The following RASGRP4 variants were observed in gnomAD, a reference collection of about 807,000 sequenced individuals.
RASGRP4 encodes the protein RAS guanyl releasing protein 4.
RASGRP4 carries 52 observed loss-of-function variants against 84.4 expected under a neutral mutation model. The observed-to-expected ratio is 0.62, with a 90% CI of 0.49 to 0.78. RASGRP4 has a LOEUF of 0.78. Among genes scored for constraint, RASGRP4 ranks in the 30% least tolerant of loss-of-function variants. The pLI is 0.00. For synonymous variants in RASGRP4, 356 were observed against 359.1 expected, an observed-to-expected ratio of 0.99 and a Z score of 0.10; for missense variants, 760 against 886.9, an observed-to-expected ratio of 0.86 and a Z score of 1.82.
At chr19:38,420,326 T>A in intron 4 of RASGRP4, 64 bp from the exon 5 acceptor site, 18 of 1,558,128 alleles carry the variant, frequency 1.2e-5, no homozygotes, top group Non-Finnish European at 1.5e-5. Context: ...CAAGGGGTAT[T>A]TTGGGCTGAG....
At chr19:38,414,317 T>TA (rs1600553718) in intron 9 of RASGRP4, among the ~76,000 whole-genome samples, 1 of 151,940 alleles carries the variant, frequency 6.6e-6, no homozygotes, top group East Asian at 1.9e-4. Context: ...TATTTTATTT[T>TA]TATTTATTTA....
chr19:38,412,087 TTGTTGTTGTTG>T lies in RASGRP4; in HGVS notation c.1680+574_1680+584del, dbSNP rs1568407145. Among the ~76,000 whole-genome samples the T allele has an allele frequency of 0.1, 7,224 of 71,884 alleles. 293 individuals carry two copies. The highest frequency in any genetic ancestry group is 0.15 in the African/African-American group (4,293 of 29,452). The allele number at this position is 71,884 out of a possible 152,430, so 47.2% of individuals were successfully genotyped here. The stretch of plus-strand genomic sequence containing the variant: ...CCGGTTTGGAGATTATCCAGGTTTG[TTGTTGTTGTTG>T]TTGTTGTTGTTGTTGTTGTTGTTGT... On this transcript the variant is annotated intron_variant, in intron 13 of 16. Coordinates refer to ENST00000615439, the MANE Select transcript of RASGRP4 (RefSeq NM_170604.3). This position sits in a 1 kb window ranked among gnomAD's most constrained non-coding sequence, Gnocchi z 4.6.
chr19:38,411,407 A>C lies in RASGRP4; in HGVS notation c.1681-26T>G, dbSNP rs201912388. 69 of 1,526,648 alleles carry C rather than the reference A, an allele frequency of 4.5e-5. No individual in the cohort carries two copies. In the East Asian group the frequency reaches 1.6e-3, roughly 36 times the overall value. 94.6% of individuals were successfully genotyped at this position (1,526,648 alleles called of 1,614,324 possible). On this transcript the variant is annotated intron_variant, in intron 13 of 16. Transcript: ENST00000615439. ...CTGGGAAGAGAAAGGAGAAAAGGTT[A>C]CCCATCCTAGGAGAGGGAGGGCTGT...
chr19:38,420,059 G>C, intron 5 of RASGRP4, 46 bp from the exon 6 acceptor site: 1 of 1,609,776 alleles, frequency 6.2e-7, no homozygotes, highest in Non-Finnish European at 8.5e-7. Context: ...CACAGTTGAG[G>C]GCTTGGGGAT....
Position 38,419,906 on chromosome 19 carries a change from GCCA to G in RASGRP4, c.614_616del (p.Leu205_Ala206delinsPro). The G allele has an allele frequency of 6.2e-7, 1 of 1,610,714 alleles. No homozygotes were observed. Among genetic ancestry groups the G allele is most frequent in the South Asian group, 1.1e-5 (1 of 90,452 alleles). ...GAACTCCAGGTAGGTGAGGTGCTGA[GCCA>G]GCTCCCCCGTCTCCAAGTGGTCGAA... On this transcript the variant is annotated inframe_deletion, in exon 6 of 17. Transcript: ENST00000615439.
Position 38,410,919 on chromosome 19 carries a change from A to G in RASGRP4, c.1932T>C (p.Thr644=), listed in dbSNP as rs772216942. 1 of 1,604,070 alleles carries G rather than the reference A, an allele frequency of 6.2e-7. No homozygotes were observed. The highest frequency in any genetic ancestry group is 1.7e-4 in the Middle Eastern group (1 of 6,050). ...TTTCCCAGGAAGGGTGTGGGGATTC[A>G]GTCTGGGTCCAGGCATGGCGAAGCT... The part of the protein sequence containing the change: ...GCQLRHAWTQ[T]ESPHPSWETD... The change falls in exon 16 of 17, where the codon ACT becomes ACC. Residue 644 remains threonine (T), a synonymous_variant. Transcript: ENST00000615439.
Position 38,415,079 on chromosome 19 carries a change from G to A in RASGRP4, c.999C>T (p.Tyr333=). The change falls in exon 9 of 17, where the codon TAC becomes TAT. Residue 333 remains tyrosine (Y), a synonymous_variant. Transcript: ENST00000615439. ...CAGCCCAGGTGCGGCGGTAGCGGGC[G>A]TAGTTGTTGTGGGAGGCAAGGAGCT... The part of the protein sequence containing the change: ...LTELLASHNN[Y]ARYRRTWAGC... 10 of 1,601,270 alleles carry A rather than the reference G, an allele frequency of 6.2e-6. No homozygotes were observed. The highest frequency in any genetic ancestry group is 1.3e-5 in the African/African-American group (1 of 74,824).
intron 1 of RASGRP4, among the ~76,000 whole-genome samples, chr19:38,425,208 A>C (rs891252245): frequency 6.6e-5 from 10 of 151,750 alleles, no homozygotes; most frequent in Non-Finnish European, 7.4e-5. Context: ...AAAAAAAAAA[A>C]ACCAAACACT....
intron 1 of RASGRP4, among the ~76,000 whole-genome samples, chr19:38,425,599 C>T (rs12986359): frequency 0.049 from 7,479 of 152,224 alleles, 304 homozygotes; most frequent in African/African-American, 0.11. Context: ...ATTCCAGAAC[C>T]GGCCGCACAG....
At chr19:38,414,621 C>T (rs868557799) in intron 9 of RASGRP4, among the ~76,000 whole-genome samples, 11 of 152,210 alleles carry the variant, frequency 7.2e-5, no homozygotes, top group South Asian at 2.1e-4. Context: ...CCACTGCGCC[C>T]GGCTGGGTCC....
chr19:38,410,562 G>A (rs536032601), intron 16 of RASGRP4, among the ~76,000 whole-genome samples: 21 of 151,810 alleles, frequency 1.4e-4, no homozygotes, highest in African/African-American at 4.3e-4. Context: ...ACAGGCACCC[G>A]CCATCACACT....
At position 38,411,178 on chromosome 19, in the gene RASGRP4, T is replaced by G. The variant is rs570499971; in HGVS notation, c.1789A>C (p.Lys597Gln). ...KVECKKRPGA[K>Q]GDAGPPGAPV... Reference sequence around the variant, plus strand: ...GCTCCGGGGGGTCCTGCATCGCCCTTGGCCCCTGGCCTCTTCTTACATTCT... The same window carrying G: ...GCTCCGGGGGGTCCTGCATCGCCCTGGGCCCCTGGCCTCTTCTTACATTCT... Residue 597 changes from lysine (K) to glutamine (Q), a missense_variant, in exon 15 of 17, where the codon AAG becomes CAG. Transcript: ENST00000615439. The G allele has an allele frequency of 1.2e-6, 2 of 1,613,978 alleles. No homozygotes were observed. Among genetic ancestry groups the G allele is most frequent in the East Asian group, 2.2e-5 (1 of 44,890 alleles).
intron 8 of RASGRP4, 105 bp downstream of exon 8, chr19:38,416,947 T>G: frequency 1.4e-6 from 1 of 704,854 alleles, no homozygotes. Flanking sequence ...GGACTTCATG[T>G]GGTACCAGGA....
intron 1 of RASGRP4, among the ~76,000 whole-genome samples, chr19:38,424,113 TTTTCTTTC>T (rs890671598): frequency 6.6e-6 from 1 of 151,928 alleles, no homozygotes; most frequent in East Asian, 1.9e-4. Flanking sequence ...GGGATTTCTT[TTTTCTTTC>T]TTTCTTTCTT....
rs1041702524 is a variant in RASGRP4 at position 38,413,807 on chromosome 19, TTGGAGTTTAAGAA to T, written c.1231-346_1231-334del. On this transcript the variant is annotated intron_variant, in intron 9 of 16. Transcript: ENST00000615439. This position sits in a 1 kb window ranked among gnomAD's most constrained non-coding sequence, Gnocchi z 4.7. ...CTATCAGCATGAGAAGCTCAGAACC[TTGGAGTTTAAGAA>T]TGTGAACCCCAAAGCAATTCCAGAG... Among the ~76,000 whole-genome samples, 1 of 152,210 alleles carries T rather than the reference TTGGAGTTTAAGAA, an allele frequency of 6.6e-6. No individual in the cohort carries two copies. Among genetic ancestry groups the T allele is most frequent in the African/African-American group, 2.4e-5 (1 of 41,442 alleles).
In RASGRP4 at chr19:38,426,177, C is replaced by A; in HGVS notation, c.-86G>T. 1 of 1,129,788 alleles carries A rather than the reference C, an allele frequency of 8.9e-7. No homozygotes were observed. Among genetic ancestry groups the A allele is most frequent in the Non-Finnish European group, 1.1e-6 (1 of 878,730 alleles). 70.0% of individuals were successfully genotyped at this position (1,129,788 alleles called of 1,614,324 possible). ...TTGCCCAGGACTCCAGCTTCTCAGCCCCTAGGGAGCTGGGGCCTCCTCGGT... is the reference window on the plus strand; with the variant it reads ...TTGCCCAGGACTCCAGCTTCTCAGCACCTAGGGAGCTGGGGCCTCCTCGGT... On this transcript the variant is annotated 5_prime_UTR_variant, in exon 1 of 17. Transcript: ENST00000615439.
chr19:38,421,331 G>A, intron 2 of RASGRP4, 131 bp from the exon 3 acceptor site: 2 of 669,640 alleles, frequency 3.0e-6, no homozygotes, highest in South Asian at 1.7e-5. Context: ...CCTTGGACAG[G>A]CAACCTAACC....
chr19:38,413,417 C>T lies in RASGRP4; in HGVS notation c.1288G>A (p.Glu430Lys). ...DEIYELSYAR[E>K]PRCPKSLPPS... is the part of the protein sequence containing the mutation. ...ACCAGGCTCTTGGGACAACGCGGCTCCCGGGCATAAGAAAGCTCATAGATC... is the reference window on the plus strand; with the variant it reads ...ACCAGGCTCTTGGGACAACGCGGCTTCCGGGCATAAGAAAGCTCATAGATC... The change falls in exon 10 of 17, where the codon GAG (glutamate) becomes AAG (lysine). Residue 430 changes from glutamate (E) to lysine (K), a missense_variant. Physicochemically the swap from Glu to Lys is moderately conservative, Grantham distance 56. Transcript: ENST00000615439. This position sits in a 1 kb window ranked among gnomAD's most constrained non-coding sequence, Gnocchi z 4.7. 6.2e-7 allele frequency: 1 copy of T among 1,608,394 alleles called. No homozygotes were observed. Among genetic ancestry groups the T allele is most frequent in the Non-Finnish European group, 8.5e-7 (1 of 1,177,392 alleles).
At chr19:38,424,618 G>A (rs955393858) in intron 1 of RASGRP4, among the ~76,000 whole-genome samples, 6 of 120,308 alleles carry the variant, frequency 5.0e-5, no homozygotes, top group Non-Finnish European at 1.0e-4. Flanking sequence ...TGTGTCAATG[G>A]GGGGGGGGGT....
Sources: gnomAD v4.1 joint callset for allele counts (sites outside exome capture counted in the v4.1 genomes callset) on GRCh38, gnomAD v4.1.1 for gene constraint, Gnocchi (gnomAD v3.1) non-coding constraint, MANE v1.5 for transcripts, NCBI Gene and HGNC (gene_info 2026-07-23, HGNC 2026-07-21) for gene names.